The following NEK6 variants were observed in gnomAD, a reference collection of about 807,000 sequenced individuals.
NEK6 encodes the protein NIMA related kinase 6.
In NEK6, 27 loss-of-function variants were observed where a neutral mutation model predicts 43.5. That is an observed-to-expected ratio of 0.62 (90% confidence interval 0.46 to 0.86). The LOEUF is 0.86. Among genes scored for constraint, NEK6 ranks in the 40% least tolerant of loss-of-function variants. The pLI, the probability that NEK6 is intolerant of heterozygous loss-of-function variation, is 0.00. For synonymous variants in NEK6, 167 were observed against 164.1 expected, an observed-to-expected ratio of 1.02 and a Z score of -0.14; for missense variants, 318 against 414.4, an observed-to-expected ratio of 0.77 and a Z score of 2.02.
intron 1 of NEK6, among the ~76,000 whole-genome samples, chr9:124,291,608 A>T (rs559851399): frequency 4.6e-5 from 7 of 152,030 alleles, no homozygotes; most frequent in Non-Finnish European, 1.0e-4. Flanking sequence ...CCTGGGCAAC[A>T]AGAGCGAAAC....
chr9:124,331,270 AAAAC>A (rs1351118947), intron 7 of NEK6, among the ~76,000 whole-genome samples: 1 of 148,724 alleles, frequency 6.7e-6, no homozygotes, highest in Non-Finnish European at 1.5e-5. Flanking sequence ...AAAAAAAAAA[AAAAC>A]AAAACATTTT....
intron 2 of NEK6, among the ~76,000 whole-genome samples, chr9:124,304,739 C>G (rs1032579174): frequency 2.0e-5 from 3 of 152,180 alleles, no homozygotes; most frequent in Admixed American, 6.5e-5. Context: ...GTGGCTTGTT[C>G]ATTTCAGGAA....
intron 7 of NEK6, among the ~76,000 whole-genome samples, chr9:124,327,788 C>T (rs1353167192): frequency 6.6e-6 from 1 of 152,150 alleles, no homozygotes; most frequent in Non-Finnish European, 1.5e-5. Context: ...CTTGGTCCAT[C>T]CCTCCTAGGG....
intron 2 of NEK6, 62 bp from the exon 3 acceptor site, chr9:124,312,447 G>T (rs374325246): frequency 2.6e-6 from 4 of 1,550,434 alleles, no homozygotes; most frequent in Admixed American, 1.9e-5. Flanking sequence ...GCCTCTAGGG[G>T]TCGTCCCCAG....
At chr9:124,298,853 A>G (rs1832823634) in intron 1 of NEK6, among the ~76,000 whole-genome samples, 2 of 152,226 alleles carry the variant, frequency 1.3e-5, no homozygotes, top group African/African-American at 4.8e-5. Flanking sequence ...AATAGAGGTG[A>G]AGAGCGTAGG....
chr9:124,281,457 C>T (rs1831900719), intron 1 of NEK6, among the ~76,000 whole-genome samples: 1 of 148,272 alleles, frequency 6.7e-6, no homozygotes, highest in Non-Finnish European at 1.5e-5. Flanking sequence ...CCTGGCTTGG[C>T]ATAGCTACTT....
chr9:124,320,065 G>A (rs1335617519), intron 4 of NEK6, among the ~76,000 whole-genome samples: 2 of 152,238 alleles, frequency 1.3e-5, no homozygotes, highest in Admixed American at 6.5e-5. Context: ...CTGCACCTGC[G>A]TCCTCAGCTG....
chr9:124,321,337 A>G, intron 4 of NEK6, 122 bp from the exon 5 acceptor site: 1 of 633,372 alleles, frequency 1.6e-6, no homozygotes, highest in African/African-American at 1.8e-5. Flanking sequence ...CCTGGGACCC[A>G]CTTCTCTAGC....
intron 1 of NEK6, among the ~76,000 whole-genome samples, chr9:124,266,277 C>G (rs1831224461): frequency 6.6e-6 from 1 of 152,230 alleles, no homozygotes; most frequent in South Asian, 2.1e-4. Flanking sequence ...AGGGAACTCA[C>G]TTCATCCTCC....
At chr9:124,331,278 A>AAAAAG (rs1554854312) in intron 7 of NEK6, among the ~76,000 whole-genome samples, 2 of 150,794 alleles carry the variant, frequency 1.3e-5, no homozygotes, top group African/African-American at 4.9e-5. Context: ...AAAAAACAAA[A>AAAAAG]CATTTTGCTC....
At position 124,353,034 on chromosome 9, in the gene NEK6, G is replaced by A. The variant is rs1012224693; in HGVS notation, c.*2087G>A. The A allele has an allele frequency of 3.9e-5, 6 of 152,750 alleles. No homozygotes were observed. The highest frequency in any genetic ancestry group is 7.2e-5 in the African/African-American group (3 of 41,434). The allele number at this position is 152,750 out of a possible 1,614,324, so 9.5% of individuals were successfully genotyped here. A position where few individuals can be genotyped will look rare whatever the true frequency, so the allele number is the denominator to read the frequency against. ...ACATTCCTTTTATTTCTGTGAAACC[G>A]GCCAAAGTGAGGTCCACCCACCTTC... On this transcript the variant is annotated 3_prime_UTR_variant, in exon 10 of 10. Coordinates refer to ENST00000320246, the MANE Select transcript of NEK6 (RefSeq NM_014397.6).
intron 5 of NEK6, among the ~76,000 whole-genome samples, chr9:124,322,735 C>T (rs1188905753): frequency 6.6e-6 from 1 of 152,254 alleles, no homozygotes; most frequent in Non-Finnish European, 1.5e-5. Context: ...CTGGAGCCCC[C>T]ACCCTGCTCA....
intron 2 of NEK6, among the ~76,000 whole-genome samples, chr9:124,306,479 A>G (rs1009518590): frequency 3.3e-5 from 5 of 152,144 alleles, no homozygotes; most frequent in Non-Finnish European, 7.4e-5. Flanking sequence ...TGAGCCAGTA[A>G]TGGTGGTGTT....
chr9:124,310,815 G>A (rs1257827262), intron 2 of NEK6, among the ~76,000 whole-genome samples: 1 of 152,214 alleles, frequency 6.6e-6, no homozygotes, highest in Non-Finnish European at 1.5e-5. Context: ...TCAAACTCCT[G>A]ACCTTAAGTG....
chr9:124,305,897 T>C (rs4838158), intron 2 of NEK6, among the ~76,000 whole-genome samples: 22,611 of 152,268 alleles, frequency 0.15, 1,792 homozygotes, highest in African/African-American at 0.21. Context: ...GGTAAAAGAA[T>C]GTATGGTGTT....
chr9:124,264,547 A>G (rs1172049409), intron 1 of NEK6, among the ~76,000 whole-genome samples: 1 of 152,216 alleles, frequency 6.6e-6, no homozygotes, highest in African/African-American at 2.4e-5. Flanking sequence ...GCTCATGCCT[A>G]TAATCCCAGC....
chr9:124,342,927 G>C lies in NEK6; in HGVS notation c.717+3262G>C, dbSNP rs574718566. 2.9e-3 allele frequency among the ~76,000 whole-genome samples: 438 copies of C among 152,308 alleles called. 7 individuals carry two copies. Among genetic ancestry groups the C allele is most frequent in the Admixed American group, 6.5e-3 (100 of 15,306 alleles). On this transcript the variant is annotated intron_variant, in intron 8 of 9. Coordinates refer to ENST00000320246, the MANE Select transcript of NEK6 (RefSeq NM_014397.6). ...GGGAGGCCAGCAGCTGGCTCCCTCTGCCTGTGCCAGGCCCTCCACTTGAGA... is the reference window on the plus strand; with the variant it reads ...GGGAGGCCAGCAGCTGGCTCCCTCTCCCTGTGCCAGGCCCTCCACTTGAGA...
At chr9:124,349,856 T>G (rs1248147435) in intron 9 of NEK6, among the ~76,000 whole-genome samples, 1 of 152,170 alleles carries the variant, frequency 6.6e-6, no homozygotes, top group Non-Finnish European at 1.5e-5. Context: ...TCACCTGGGC[T>G]TCTCGGTTGT....
At position 124,326,202 on chromosome 9, in the gene NEK6, T is replaced by TTCC; in HGVS notation, c.406-128_406-127insTCC. On this transcript the variant is annotated intron_variant, in intron 5 of 9. Transcript: ENST00000320246. The surrounding 1 kb of genome is among the most constrained non-coding windows in gnomAD (Gnocchi z 4.5). ...GCTTATTGTTTGCTCAGTGGCTCAA[T>TTCC]CCCCCCCCCCCGCCCCTGCCAGGCA... The TTCC allele has an allele frequency of 4.0e-5, 5 of 124,052 alleles. No homozygotes were observed. The highest frequency in any genetic ancestry group is 1.3e-4 in the South Asian group (2 of 15,360). The allele number at this position is 124,052 out of a possible 1,614,324, so 7.7% of individuals were successfully genotyped here.
Sources: allele counts gnomAD v4.1 joint callset (sites outside exome capture counted in the v4.1 genomes callset), GRCh38; gene constraint gnomAD v4.1.1; non-coding constraint Gnocchi (gnomAD v3.1); transcripts MANE v1.5; gene names NCBI Gene and HGNC (gene_info 2026-07-23, HGNC 2026-07-21).